CD2AP: variants seen among roughly 807,000 people sequenced by gnomAD.
CD2AP encodes the protein CD2-associated protein.
CD2AP carries 46 observed loss-of-function variants against 85.1 expected under a neutral mutation model. That is an observed-to-expected ratio of 0.54 (90% CI 0.43 to 0.69). The LOEUF (loss-of-function observed/expected upper bound fraction) is 0.69. Ranked by LOEUF, CD2AP falls within the 30% of genes least tolerant of loss-of-function variation. The pLI is 0.00. For missense variants in CD2AP, 769 were observed against 729.5 expected (o/e 1.05, Z -0.62); for synonymous variants, 255 against 252.9 (o/e 1.01, Z -0.08).
chr6:47,499,112 C>A (rs1351810571), intron 1 of CD2AP, among the ~76,000 whole-genome samples: 1 of 152,116 alleles, frequency 6.6e-6, no homozygotes, highest in Non-Finnish European at 1.5e-5. Flanking sequence ...TCCTTACTTT[C>A]TGGCACAACA....
intron 3 of CD2AP, among the ~76,000 whole-genome samples, chr6:47,534,549 A>G (rs188706253): frequency 5.3e-4 from 80 of 152,254 alleles, no homozygotes; most frequent in Admixed American, 1.4e-3. Context: ...TCTACTAAAT[A>G]TACAAATTAG....
intron 1 of CD2AP, among the ~76,000 whole-genome samples, chr6:47,499,890 G>A (rs1379960990): frequency 6.6e-6 from 1 of 152,048 alleles, no homozygotes; most frequent in Non-Finnish European, 1.5e-5. Context: ...CACCACGCCC[G>A]GCTAATTTTT....
chr6:47,611,983 A>C (rs1305127456), intron 16 of CD2AP, among the ~76,000 whole-genome samples: 2 of 152,188 alleles, frequency 1.3e-5, no homozygotes, highest in East Asian at 3.9e-4. Context: ...TTGAGGAGAG[A>C]CTATTGGCTA....
intron 1 of CD2AP, among the ~76,000 whole-genome samples, chr6:47,485,813 G>A (rs1765553756): frequency 1.3e-5 from 2 of 152,016 alleles, no homozygotes; most frequent in African/African-American, 2.4e-5. Flanking sequence ...CTTAACCATT[G>A]TGTTACAGTT....
chr6:47,567,930 G>A (rs1485653244), intron 5 of CD2AP, among the ~76,000 whole-genome samples: 1 of 152,150 alleles, frequency 6.6e-6, no homozygotes, highest in Non-Finnish European at 1.5e-5. Flanking sequence ...GGAGTAGATT[G>A]GAGAAGAGAC....
chr6:47,604,712 A>G (rs1408314461), intron 13 of CD2AP, among the ~76,000 whole-genome samples: 1 of 152,070 alleles, frequency 6.6e-6, no homozygotes, highest in Non-Finnish European at 1.5e-5. Context: ...ACATTTAAAC[A>G]TATATTTAAA....
At chr6:47,500,345 T>C (rs1226722021) in intron 1 of CD2AP, among the ~76,000 whole-genome samples, 1 of 152,170 alleles carries the variant, frequency 6.6e-6, no homozygotes, top group East Asian at 1.9e-4. Flanking sequence ...CTTTTTGAGG[T>C]CTACAGAGCA....
chr6:47,483,888 C>T (rs1307718464), intron 1 of CD2AP, among the ~76,000 whole-genome samples: 1 of 151,634 alleles, frequency 6.6e-6, no homozygotes, highest in African/African-American at 2.4e-5. Flanking sequence ...TCAGCATATC[C>T]TTCTGTTTCA....
intron 11 of CD2AP, 21 bp from the exon 12 acceptor site, chr6:47,595,840 G>C: frequency 6.2e-7 from 1 of 1,600,554 alleles, no homozygotes; most frequent in Non-Finnish European, 8.6e-7. Flanking sequence ...TTAATAACTT[G>C]TGAAATATTT....
chr6:47,514,827 G>C (rs1293473369), intron 2 of CD2AP, among the ~76,000 whole-genome samples: 1 of 152,186 alleles, frequency 6.6e-6, no homozygotes, highest in Non-Finnish European at 1.5e-5. Flanking sequence ...CAAGGCAGGT[G>C]GATCACCTGA....
chr6:47,563,728 T>C (rs1767921002), intron 5 of CD2AP, among the ~76,000 whole-genome samples: 1 of 152,332 alleles, frequency 6.6e-6, no homozygotes, highest in South Asian at 2.1e-4. Flanking sequence ...CTACATACTA[T>C]ACGTGCTACA....
intron 11 of CD2AP, among the ~76,000 whole-genome samples, chr6:47,585,381 C>T (rs538296330): frequency 5.9e-4 from 90 of 151,816 alleles, no homozygotes; most frequent in Non-Finnish European, 1.1e-3. Flanking sequence ...ATGACAGGGA[C>T]CGAATTTACA....
At chr6:47,582,212 G>A in intron 11 of CD2AP, 147 bp downstream of exon 11, 1 of 630,178 alleles carries the variant, frequency 1.6e-6, no homozygotes, top group Non-Finnish European at 2.9e-6. Context: ...TTCTGGGAGG[G>A]AGTAGTTCAT....
chr6:47,585,039 AT>A (rs1768583662), intron 11 of CD2AP, among the ~76,000 whole-genome samples: 1 of 152,034 alleles, frequency 6.6e-6, no homozygotes, highest in African/African-American at 2.4e-5. Flanking sequence ...TACGCCTGTA[AT>A]CCCAGCACTT....
chr6:47,478,762 C>T (rs1765375669), intron 1 of CD2AP, among the ~76,000 whole-genome samples: 1 of 151,960 alleles, frequency 6.6e-6, no homozygotes, highest in Admixed American at 6.6e-5. Flanking sequence ...AGGGGTGCCT[C>T]AAGGACAGGA....
intron 15 of CD2AP, 33 bp downstream of exon 15, chr6:47,608,061 T>G (rs746139125): frequency 4.2e-6 from 6 of 1,431,296 alleles, no homozygotes; most frequent in Non-Finnish European, 5.9e-6. Context: ...GTTTGTTGAC[T>G]TTCTGGGATT....
intron 1 of CD2AP, among the ~76,000 whole-genome samples, chr6:47,490,090 C>G (rs1032769331): frequency 1.3e-5 from 2 of 151,662 alleles, no homozygotes; most frequent in Non-Finnish European, 2.9e-5. Context: ...ATCCTTCCAC[C>G]TTAGTCTCCT....
intron 2 of CD2AP, among the ~76,000 whole-genome samples, chr6:47,511,856 A>G (rs1183060939): frequency 1.4e-5 from 2 of 143,262 alleles, no homozygotes; most frequent in Non-Finnish European, 3.1e-5. Flanking sequence ...GTGAAACCTC[A>G]ACTCTACTAA....
At chr6:47,550,206 C>G (rs1453611408) in intron 4 of CD2AP, among the ~76,000 whole-genome samples, 1 of 151,958 alleles carries the variant, frequency 6.6e-6, no homozygotes, top group Non-Finnish European at 1.5e-5. Flanking sequence ...AGATAAATAG[C>G]TATGACCTAA....
Sources: allele counts gnomAD v4.1 joint callset (sites outside exome capture counted in the v4.1 genomes callset), GRCh38; gene constraint gnomAD v4.1.1; transcripts MANE v1.5; gene names NCBI Gene and HGNC (gene_info 2026-07-23, HGNC 2026-07-21).